The following NUBPL variants were observed in gnomAD, a reference collection of about 807,000 sequenced individuals.
NUBPL encodes the protein iron-sulfur cluster transfer protein NUBPL.
Under a neutral mutation model 45.7 loss-of-function variants are expected in NUBPL, and 31 were observed. The observed-to-expected ratio is 0.68, with a 90% confidence interval of 0.51 to 0.92. The LOEUF (loss-of-function observed/expected upper bound fraction) is 0.92, where lower values mean the gene tolerates loss of function less well. Ranked by LOEUF, NUBPL falls within the 40% of genes least tolerant of loss-of-function variation. NUBPL has a pLI of 0.00. For synonymous variants in NUBPL, 144 were observed against 140.9 expected, an observed-to-expected ratio of 1.02 and a Z score of -0.15; for missense variants, 401 against 398.7, an observed-to-expected ratio of 1.01 and a Z score of -0.05.
intron 6 of NUBPL, among the ~76,000 whole-genome samples, chr14:31,709,223 A>C (rs754898952): frequency 6.6e-6 from 1 of 152,154 alleles, no homozygotes; most frequent in African/African-American, 2.4e-5. Context: ...TTGACCCTCA[A>C]GTGATTTGGT....
At chr14:31,817,460 T>A (rs539610335) in intron 7 of NUBPL, among the ~76,000 whole-genome samples, 2 of 152,238 alleles carry the variant, frequency 1.3e-5, no homozygotes, top group Admixed American at 6.5e-5. Flanking sequence ...GGGAAGCCCA[T>A]CAGACTAACA....
Position 31,640,394 on chromosome 14 carries a change from G to T in NUBPL, c.383-32961G>T, listed in dbSNP as rs549350855. 7.2e-5 allele frequency among the ~76,000 whole-genome samples: 11 copies of T among 152,274 alleles called. No homozygotes were observed. The East Asian group carries it at 2.1e-3, about 29-fold the overall frequency. ...GTGGGTGGATCACTTGAGGGCAGGA[G>T]TTTGAAACCAGCCTGGCCAACATGG... is the stretch of plus-strand genomic sequence containing the variant. On this transcript the variant is annotated intron_variant, in intron 4 of 10. Coordinates refer to ENST00000281081, the MANE Select transcript of NUBPL (RefSeq NM_025152.3).
intron 6 of NUBPL, among the ~76,000 whole-genome samples, chr14:31,705,705 A>T (rs1051412251): frequency 1.3e-5 from 2 of 151,872 alleles, no homozygotes; most frequent in Non-Finnish European, 2.9e-5. Context: ...TGATTGGTGC[A>T]TTTACAAACC....
Position 31,705,349 on chromosome 14 carries a change from C to T in NUBPL, c.513+31775C>T, listed in dbSNP as rs577302339. 4.6e-5 allele frequency among the ~76,000 whole-genome samples: 7 copies of T among 152,290 alleles called. No individual in the cohort carries two copies. In the East Asian group the frequency reaches 5.8e-4, roughly 13 times the overall value. The stretch of plus-strand genomic sequence containing the variant: ...AGCTTCCACAGCGTGGAAGGGGAAC[C>T]GAGCGGGTCGCCGGCTGCTGGCTGG... On this transcript the variant is annotated intron_variant, in intron 6 of 10. Transcript: ENST00000281081.
chr14:31,661,215 G>A (rs563954118), intron 4 of NUBPL, among the ~76,000 whole-genome samples: 3 of 152,260 alleles, frequency 2.0e-5, no homozygotes, highest in South Asian at 2.1e-4. Flanking sequence ...AATCTTTTAT[G>A]CTTCAGTGCA....
intron 7 of NUBPL, among the ~76,000 whole-genome samples, chr14:31,807,703 T>G (rs2039716843): frequency 6.6e-6 from 1 of 152,216 alleles, no homozygotes; most frequent in African/African-American, 2.4e-5. Flanking sequence ...TACCTGTGCT[T>G]ATGTCCTCAA....
intron 7 of NUBPL, among the ~76,000 whole-genome samples, chr14:31,824,889 TTA>T (rs939868969): frequency 1.3e-4 from 20 of 152,282 alleles, no homozygotes; most frequent in African/African-American, 4.8e-4. Flanking sequence ...GTGATCTATA[TTA>T]TGTTTATGTT....
chr14:31,654,217 G>A (rs1207985337), intron 4 of NUBPL: 2 of 324,224 alleles, frequency 6.2e-6, no homozygotes, highest in Admixed American at 6.4e-5. Context: ...GTGTGAAATA[G>A]CATTATGTCT....
At chr14:31,745,063 T>TTTTTAC (rs2038367342) in intron 6 of NUBPL, among the ~76,000 whole-genome samples, 1 of 150,050 alleles carries the variant, frequency 6.7e-6, no homozygotes. Context: ...TTTATTTTTA[T>TTTTTAC]TATTATACTT....
chr14:31,743,995 A>G (rs963785608), intron 6 of NUBPL, among the ~76,000 whole-genome samples: 3 of 152,178 alleles, frequency 2.0e-5, no homozygotes, highest in African/African-American at 7.2e-5. Flanking sequence ...CAGTTTAAGG[A>G]TAATATATTA....
chr14:31,673,573 A>G lies in NUBPL; in HGVS notation c.512A>G (p.Gln171Arg). The change falls in exon 6 of 11, where the codon CAG becomes CGG. Residue 171 changes from glutamine to arginine, a missense_variant and splice_region_variant. Coordinates refer to ENST00000281081, the MANE Select transcript of NUBPL (RefSeq NM_025152.3). ...VMSAIEKLLR[Q>R]VDWGQLDYLV... The stretch of plus-strand genomic sequence containing the variant: ...TCGGCCATTGAGAAATTGTTGAGGC[A>G]GGTAAGAATATTGCTTTAAATATCA... 6.2e-7 allele frequency: 1 copy of G among 1,611,420 alleles called. No individual in the cohort carries two copies. The highest frequency in any genetic ancestry group is 8.5e-7 in the Non-Finnish European group (1 of 1,177,618).
At chr14:31,750,614 T>A (rs2038506187) in intron 6 of NUBPL, among the ~76,000 whole-genome samples, 2 of 152,192 alleles carry the variant, frequency 1.3e-5, no homozygotes, top group African/African-American at 4.8e-5. Flanking sequence ...TTTATCATTC[T>A]TCTTTTGTCC....
At chr14:31,767,369 A>C (rs2038933703) in intron 6 of NUBPL, among the ~76,000 whole-genome samples, 1 of 151,798 alleles carries the variant, frequency 6.6e-6, no homozygotes, top group African/African-American at 2.4e-5. Context: ...TGCCTGGCTA[A>C]TTTTTTTGTA....
At chr14:31,782,718 C>G (rs201787144) in intron 6 of NUBPL, among the ~76,000 whole-genome samples, 2 of 149,188 alleles carry the variant, frequency 1.3e-5, no homozygotes, top group South Asian at 4.3e-4. Flanking sequence ...ACCTGGGAGA[C>G]GAGGTTGCAG....
chr14:31,846,613 T>C lies in NUBPL; in HGVS notation c.814+22T>C, dbSNP rs376404070. 5.5e-4 allele frequency: 880 copies of C among 1,612,582 alleles called. 5 individuals carry two copies. The highest frequency in any genetic ancestry group is 1.2e-4 in the Non-Finnish European group (140 of 1,179,318). ...CTAGGTAAGACTGTGGGATGTTCTT[T>C]TGTAGAAGAAGTGGCAGAAGAGAAA... On this transcript the variant is annotated intron_variant, in intron 9 of 10. Coordinates refer to ENST00000281081, the MANE Select transcript of NUBPL (RefSeq NM_025152.3).
chr14:31,793,946 G>C (rs12589330), intron 7 of NUBPL, among the ~76,000 whole-genome samples: 34,783 of 93,360 alleles, frequency 0.37, 7,617 homozygotes, highest in East Asian at 0.6. Context: ...TGATCTCATT[G>C]TTCAATTCCC....
intron 2 of NUBPL, among the ~76,000 whole-genome samples, chr14:31,563,501 C>T (rs371950117): frequency 5.3e-5 from 8 of 152,138 alleles, no homozygotes; most frequent in African/African-American, 1.9e-4. Context: ...TACCATCTGT[C>T]CCGAAAAGCT....
chr14:31,599,168 C>A (rs1001903118), intron 3 of NUBPL, 121 bp from the exon 4 acceptor site: 9 of 763,420 alleles, frequency 1.2e-5, no homozygotes, highest in Non-Finnish European at 1.8e-5. Context: ...TAATATTTTG[C>A]CAATTTTATT....
At chr14:31,612,608 C>T (rs962341801) in intron 4 of NUBPL, among the ~76,000 whole-genome samples, 1 of 151,750 alleles carries the variant, frequency 6.6e-6, no homozygotes, top group African/African-American at 2.4e-5. Context: ...TTGCAGTGAG[C>T]CAAGATCGTG....
Sources: allele counts gnomAD v4.1 joint callset (sites outside exome capture counted in the v4.1 genomes callset), GRCh38; gene constraint gnomAD v4.1.1; transcripts MANE v1.5; gene names NCBI Gene and HGNC (gene_info 2026-07-23, HGNC 2026-07-21).